CLDN10: variants seen among roughly 807,000 people sequenced by gnomAD.
The protein encoded by CLDN10 is claudin 10, also known as claudin-10.
A neutral mutation model predicts 22.9 loss-of-function variants in CLDN10; 15 were observed. That is an observed-to-expected ratio of 0.65 (90% CI 0.44 to 1.01). The LOEUF (loss-of-function observed/expected upper bound fraction) is 1.01. Ranked by LOEUF, CLDN10 falls within the 50% of genes least tolerant of loss-of-function variation. CLDN10 has a pLI of 0.00. For synonymous variants in CLDN10, 114 were observed against 111.4 expected (o/e 1.02, Z -0.15); for missense variants, 247 against 287.8 (o/e 0.86, Z 1.03).
intron 1 of CLDN10, among the ~76,000 whole-genome samples, chr13:95,519,152 G>C (rs2043199754): frequency 6.6e-6 from 1 of 152,190 alleles, no homozygotes; most frequent in Non-Finnish European, 1.5e-5. Flanking sequence ...GTTCATTAGA[G>C]CTTGGTGTAT....
At chr13:95,446,342 ATG>A (rs1380245144) in intron 1 of CLDN10, among the ~76,000 whole-genome samples, 1 of 152,192 alleles carries the variant, frequency 6.6e-6, no homozygotes, top group East Asian at 1.9e-4. Context: ...TTAAAAATCT[ATG>A]TCTTTGATTT....
intron 1 of CLDN10, among the ~76,000 whole-genome samples, chr13:95,511,410 T>A (rs1042259922): frequency 2.6e-5 from 4 of 151,870 alleles, no homozygotes; most frequent in African/African-American, 9.7e-5. Context: ...CAAGGAAGAC[T>A]TTCAAACCTA....
At chr13:95,470,710 C>A (rs1025846466) in intron 1 of CLDN10, among the ~76,000 whole-genome samples, 35 of 152,132 alleles carry the variant, frequency 2.3e-4, no homozygotes, top group Admixed American at 2.3e-3. Flanking sequence ...TGGCCGTGCA[C>A]GTCCTGCCTA....
chr13:95,465,839 T>C (rs887573941), intron 1 of CLDN10, among the ~76,000 whole-genome samples: 1 of 152,224 alleles, frequency 6.6e-6, no homozygotes, highest in East Asian at 1.9e-4. Context: ...AGAGATCCTC[T>C]AGAATAGGTG....
rs541045266 is a variant in CLDN10 at position 95,520,961 on chromosome 13, C to CAA, written c.215-39160_215-39159dup. ...GCCTGGGCGACAGAGCGAGACTCCT[C>CAA]AAAAAAAAAAAACAGCAAAATTGTT... On this transcript the variant is annotated intron_variant, in intron 1 of 4. Transcript: ENST00000376873. 3.4e-4 allele frequency among the ~76,000 whole-genome samples: 44 copies of CAA among 128,584 alleles called. 1 individual carries two copies. In the South Asian group the frequency reaches 7.0e-3, roughly 20 times the overall value. The allele number at this position is 128,584 out of a possible 152,430, so 84.4% of individuals were successfully genotyped here. A position where few individuals can be genotyped will look rare whatever the true frequency, so the allele number is the denominator to read the frequency against.
chr13:95,520,523 G>A (rs960507032), intron 1 of CLDN10, among the ~76,000 whole-genome samples: 1 of 152,068 alleles, frequency 6.6e-6, no homozygotes, highest in African/African-American at 2.4e-5. Flanking sequence ...ACAGGTGCCG[G>A]CTTCCATGCC....
intron 1 of CLDN10, among the ~76,000 whole-genome samples, chr13:95,434,869 G>T (rs1432090520): frequency 1.3e-5 from 2 of 151,372 alleles, no homozygotes; most frequent in African/African-American, 2.4e-5. Context: ...GGGTTTCCAC[G>T]TTTTTTTTAA....
intron 1 of CLDN10, among the ~76,000 whole-genome samples, chr13:95,453,940 A>G (rs1020514395): frequency 3.3e-5 from 5 of 150,632 alleles, no homozygotes; most frequent in Non-Finnish European, 7.4e-5. Flanking sequence ...TTGCTCATCA[A>G]TCTCATTCCC....
chr13:95,505,995 C>T (rs1391796966), intron 1 of CLDN10, among the ~76,000 whole-genome samples: 1 of 152,192 alleles, frequency 6.6e-6, no homozygotes, highest in African/African-American at 2.4e-5. Flanking sequence ...CTGCCTCGAC[C>T]TCCCAAAGTG....
chr13:95,528,745 A>G (rs1454302615), intron 1 of CLDN10, among the ~76,000 whole-genome samples: 2 of 152,242 alleles, frequency 1.3e-5, no homozygotes, highest in African/African-American at 2.4e-5. Flanking sequence ...AGAAAAAAGT[A>G]CAGACACCAC....
chr13:95,537,283 G>C lies in CLDN10; in HGVS notation c.215-22849G>C, dbSNP rs553477860. ...GTTGGTTAATAGCTAATCAGTTTTG[G>C]GGGGGTTGTTGGTTATTTGTTTTGT... On this transcript the variant is annotated intron_variant, in intron 1 of 4. Transcript: ENST00000376873. Among the ~76,000 whole-genome samples, 12 of 152,176 alleles carry C rather than the reference G, an allele frequency of 7.9e-5. No individual in the cohort carries two copies. The East Asian group carries it at 1.7e-3, about 22-fold the overall frequency.
intron 1 of CLDN10, among the ~76,000 whole-genome samples, chr13:95,465,184 G>A (rs1043911141): frequency 6.6e-6 from 1 of 152,146 alleles, no homozygotes; most frequent in Non-Finnish European, 1.5e-5. Context: ...GAAAGTAGAA[G>A]CCCCTTATTA....
At chr13:95,545,561 T>C (rs1317008735) in intron 1 of CLDN10, among the ~76,000 whole-genome samples, 1 of 152,034 alleles carries the variant, frequency 6.6e-6, no homozygotes, top group Non-Finnish European at 1.5e-5. Flanking sequence ...AAAAAAGTAG[T>C]CACTTTTGGG....
intron 1 of CLDN10, among the ~76,000 whole-genome samples, chr13:95,542,007 T>C (rs1049717832): frequency 2.0e-5 from 3 of 152,236 alleles, no homozygotes; most frequent in African/African-American, 7.2e-5. Flanking sequence ...CTACTTGGCT[T>C]CTGGGGAGGC....
chr13:95,445,665 CTCAG>C (rs1202938013), intron 1 of CLDN10, among the ~76,000 whole-genome samples: 2 of 152,206 alleles, frequency 1.3e-5, no homozygotes, highest in East Asian at 1.9e-4. Flanking sequence ...GTACCAAGAT[CTCAG>C]TCAGTCAGTT....
At chr13:95,434,650 C>T (rs761367987) in intron 1 of CLDN10, among the ~76,000 whole-genome samples, 2 of 148,322 alleles carry the variant, frequency 1.3e-5, no homozygotes, top group Non-Finnish European at 2.9e-5. Flanking sequence ...ATATGTAACA[C>T]ACATATATAT....
intron 1 of CLDN10, among the ~76,000 whole-genome samples, chr13:95,526,128 G>A (rs2043278526): frequency 6.6e-6 from 1 of 152,046 alleles, no homozygotes; most frequent in African/African-American, 2.4e-5. Context: ...GAGAGTGTTT[G>A]TGTGCATTCT....
At chr13:95,447,511 T>C (rs1034422461) in intron 1 of CLDN10, among the ~76,000 whole-genome samples, 1 of 152,190 alleles carries the variant, frequency 6.6e-6, no homozygotes, top group Non-Finnish European at 1.5e-5. Context: ...GACGGTCCCA[T>C]ACCCTAAATC....
intron 3 of CLDN10, among the ~76,000 whole-genome samples, chr13:95,573,596 AAAG>A (rs2043888545): frequency 6.6e-6 from 1 of 152,252 alleles, no homozygotes; most frequent in African/African-American, 2.4e-5. Flanking sequence ...AATCAATGTG[AAAG>A]AATATGTGCC....
Sources: gnomAD v4.1 joint callset for allele counts (sites outside exome capture counted in the v4.1 genomes callset) on GRCh38, gnomAD v4.1.1 for gene constraint, MANE v1.5 for transcripts, NCBI Gene and HGNC (gene_info 2026-07-23, HGNC 2026-07-21) for gene names.